The following RGS7 variants were observed in gnomAD, a reference collection of about 807,000 sequenced individuals.
RGS7 encodes the protein regulator of G protein signaling 7, also known as regulator of G-protein signaling 7.
Under a neutral mutation model 81.1 loss-of-function variants are expected in RGS7, and 27 were observed. The ratio of observed to expected loss-of-function variants is 0.33; its 90% confidence interval spans 0.25 to 0.46. The LOEUF (loss-of-function observed/expected upper bound fraction) is 0.46. Among genes scored for constraint, RGS7 ranks in the 20% least tolerant of loss-of-function variants. The pLI is 1.00. For missense variants in RGS7, 396 were observed against 607.4 expected (o/e 0.65, Z 3.66); for synonymous variants, 208 against 207.7 (o/e 1.00, Z -0.01).
chr1:241,100,370 A>G (rs2064639641), intron 2 of RGS7, among the ~76,000 whole-genome samples: 1 of 101,488 alleles, frequency 9.9e-6, no homozygotes, highest in South Asian at 2.6e-4. Flanking sequence ...GCAAGACTCC[A>G]TTTCAAAAAA....
chr1:241,098,105 AT>A (rs1425738402), intron 3 of RGS7, among the ~76,000 whole-genome samples: 2 of 152,126 alleles, frequency 1.3e-5, no homozygotes, highest in African/African-American at 4.8e-5. Context: ...TCTGCCAAAC[AT>A]TTTAAATGTC....
chr1:241,271,881 T>C lies in RGS7; in HGVS notation c.78+83818A>G. Among the ~76,000 whole-genome samples the C allele has an allele frequency of 8.4e-6, 1 of 119,258 alleles. No homozygotes were observed. The highest frequency in any genetic ancestry group is 3.3e-4 in the South Asian group (1 of 3,032). The allele number at this position is 119,258 out of a possible 152,430, so 78.2% of individuals were successfully genotyped here. Reference sequence around the variant, plus strand: ...CACAATCACACAAGCCAAATCTTTATAACGTGTGTGTGTGTGTGTGTGTGT... The same window carrying C: ...CACAATCACACAAGCCAAATCTTTACAACGTGTGTGTGTGTGTGTGTGTGT... On this transcript the variant is annotated intron_variant, in intron 2 of 18. Coordinates refer to ENST00000440928, the MANE Select transcript of RGS7 (RefSeq NM_001364886.1). The surrounding 1 kb of genome is among the most constrained non-coding windows in gnomAD (Gnocchi z 4.6).
intron 2 of RGS7, among the ~76,000 whole-genome samples, chr1:241,248,846 T>G (rs981973247): frequency 6.6e-6 from 1 of 152,194 alleles, no homozygotes; most frequent in Non-Finnish European, 1.5e-5. Flanking sequence ...TCAGAGGACC[T>G]TTAACATGGC....
intron 6 of RGS7, among the ~76,000 whole-genome samples, chr1:240,913,197 G>A (rs1672044174): frequency 6.6e-6 from 1 of 152,168 alleles, no homozygotes; most frequent in South Asian, 2.1e-4. Flanking sequence ...CCATGTTTCA[G>A]AATATTTTAA....
At chr1:240,796,547 G>A (rs747232987) in intron 18 of RGS7, among the ~76,000 whole-genome samples, 2 of 152,124 alleles carry the variant, frequency 1.3e-5, no homozygotes, top group Non-Finnish European at 2.9e-5. Context: ...TTAGCCGGGA[G>A]TGTTGGCGGG....
At chr1:241,337,379 G>A (rs1339464788) in intron 2 of RGS7, among the ~76,000 whole-genome samples, 2 of 152,012 alleles carry the variant, frequency 1.3e-5, no homozygotes, top group African/African-American at 4.8e-5. Flanking sequence ...AGAGTATATT[G>A]CTGTAGCAAG....
chr1:241,258,623 G>A (rs1297006880), intron 2 of RGS7, among the ~76,000 whole-genome samples: 1 of 152,122 alleles, frequency 6.6e-6, no homozygotes, highest in Non-Finnish European at 1.5e-5. Flanking sequence ...GCTTCTATTA[G>A]TAAAGACCAA....
chr1:241,032,333 T>C (rs1034459968), intron 3 of RGS7, among the ~76,000 whole-genome samples: 1 of 152,182 alleles, frequency 6.6e-6, no homozygotes, highest in African/African-American at 2.4e-5. Flanking sequence ...CATTGACCTA[T>C]GTGTCTATTT....
intron 2 of RGS7, among the ~76,000 whole-genome samples, chr1:241,181,658 A>T (rs2071632024): frequency 6.6e-6 from 1 of 152,096 alleles, no homozygotes; most frequent in South Asian, 2.1e-4. Flanking sequence ...CTCAGGAAAC[A>T]TTTCTTCCAA....
At chr1:241,280,586 C>T (rs1311223773) in intron 2 of RGS7, among the ~76,000 whole-genome samples, 1 of 152,220 alleles carries the variant, frequency 6.6e-6, no homozygotes, top group Non-Finnish European at 1.5e-5. Context: ...CAGCCTGGAC[C>T]TCCCATGCTA....
intron 2 of RGS7, among the ~76,000 whole-genome samples, chr1:241,229,780 G>T (rs972411203): frequency 6.6e-6 from 1 of 152,192 alleles, no homozygotes; most frequent in African/African-American, 2.4e-5. Context: ...TCCGGGAAAT[G>T]ATCAGAACTA....
At chr1:241,100,609 TA>T (rs1165924357) in intron 2 of RGS7, among the ~76,000 whole-genome samples, 2 of 152,154 alleles carry the variant, frequency 1.3e-5, no homozygotes, top group Non-Finnish European at 2.9e-5. Context: ...TTGAGTAAGT[TA>T]AATAACCTCT....
At position 241,077,647 on chromosome 1, in the gene RGS7, TG is replaced by T. The variant is rs535381271; in HGVS notation, c.175+21018del. On this transcript the variant is annotated intron_variant, in intron 3 of 18. Transcript: ENST00000440928. ...CCCTCCAGCGATTGCTCTCTGTTTC[TG>T]TTCTGTTTTCACACTGTTATCCTTC... 5.3e-5 allele frequency among the ~76,000 whole-genome samples: 8 copies of T among 152,354 alleles called. No homozygotes were observed. The South Asian group carries it at 1.4e-3, about 28-fold the overall frequency.
chr1:241,165,705 C>T (rs2070153414), intron 2 of RGS7, among the ~76,000 whole-genome samples: 1 of 150,394 alleles, frequency 6.6e-6, no homozygotes, highest in South Asian at 2.1e-4. Flanking sequence ...GGGTGCAGCA[C>T]ATCAGCATGG....
At position 240,849,636 on chromosome 1, in the gene RGS7, G is replaced by A. The variant is rs118033091; in HGVS notation, c.609+18951C>T. On this transcript the variant is annotated intron_variant, in intron 9 of 18. Transcript: ENST00000440928. ...GCACCCTCCCCTTGGTGATGAGTAA[G>A]TTCCCGAGAGATCTGGTTGTTTAAA... 1.4e-3 allele frequency among the ~76,000 whole-genome samples: 209 copies of A among 152,250 alleles called. 3 individuals carry two copies. In the East Asian group the frequency reaches 0.032, roughly 24 times the overall value.
intron 2 of RGS7, among the ~76,000 whole-genome samples, chr1:241,339,592 T>C (rs926104427): frequency 2.0e-5 from 3 of 152,240 alleles, no homozygotes; most frequent in African/African-American, 4.8e-5. Context: ...GAAGTTTATG[T>C]AGGCAGGTCA....
At chr1:240,821,981 T>C (rs894797560) in intron 10 of RGS7, among the ~76,000 whole-genome samples, 1 of 152,174 alleles carries the variant, frequency 6.6e-6, no homozygotes, top group African/African-American at 2.4e-5. Flanking sequence ...ATACAGCCTG[T>C]GGTGGTGAAT....
chr1:240,864,055 G>A (rs762615702), intron 9 of RGS7, among the ~76,000 whole-genome samples: 3 of 152,042 alleles, frequency 2.0e-5, no homozygotes, highest in Admixed American at 6.6e-5. Flanking sequence ...TAAACAACAT[G>A]AGCATCTGTA....
intron 2 of RGS7, among the ~76,000 whole-genome samples, chr1:241,121,891 A>T (rs911263333): frequency 2.6e-5 from 4 of 151,676 alleles, no homozygotes; most frequent in African/African-American, 7.3e-5. Context: ...AATTTTTTGT[A>T]GAGATGAGGT....
Sources: allele counts gnomAD v4.1 joint callset (sites outside exome capture counted in the v4.1 genomes callset), GRCh38; gene constraint gnomAD v4.1.1; non-coding constraint Gnocchi (gnomAD v3.1); transcripts MANE v1.5; gene names NCBI Gene and HGNC (gene_info 2026-07-23, HGNC 2026-07-21).